The following DAZL variants were observed in gnomAD, a reference collection of about 807,000 sequenced individuals.
DAZL encodes the protein deleted in azoospermia like.
Under a neutral mutation model 45.0 loss-of-function variants are expected in DAZL, and 4 were observed. The observed-to-expected ratio is 0.09, with a 90% CI of 0.04 to 0.20. The LOEUF is 0.20. Ranked by LOEUF, DAZL falls within the 10% of genes least tolerant of loss-of-function variation. DAZL has a pLI of 1.00. For synonymous variants in DAZL, 122 were observed against 112.4 expected (o/e 1.09, Z -0.54); for missense variants, 326 against 351.3 (o/e 0.93, Z 0.58).
At position 16,596,787 on chromosome 3, in the gene DAZL, G is replaced by A. The variant is rs1309891216; in HGVS notation, c.461C>T (p.Pro154Leu). ...AGTTATAGGATTCATCGTGGTTGTG[G>A]GCTGCATATAAGTTTCAGTGTTTGG... ...TNPNTETYMQPTTTMNPITQY... is the reference protein window; with the variant it reads ...TNPNTETYMQLTTTMNPITQY... The change falls in exon 6 of 11, where the codon CCC becomes CTC. Residue 154 changes from proline to leucine, a missense_variant. By Grantham distance (98) the Pro-to-Leu change is moderately conservative. Transcript: ENST00000399444. 3 of 1,613,740 alleles carry A rather than the reference G, an allele frequency of 1.9e-6. No individual in the cohort carries two copies. In the Admixed American group the frequency reaches 5.0e-5, roughly 27 times the overall value.
chr3:16,597,942 G>A, intron 3 of DAZL, 145 bp downstream of exon 3: 1 of 849,978 alleles, frequency 1.2e-6, no homozygotes, highest in Non-Finnish European at 1.7e-6. Context: ...ATGATTAAAA[G>A]AGCTGGCAAT....
At chr3:16,599,264 A>G (rs1319452522) in intron 1 of DAZL, among the ~76,000 whole-genome samples, 1 of 152,202 alleles carries the variant, frequency 6.6e-6, no homozygotes, top group Non-Finnish European at 1.5e-5. Flanking sequence ...ATATTCATAA[A>G]CAACTTTTCA....
At chr3:16,605,165 C>A (rs1694759816) in intron 1 of DAZL, 38 bp downstream of exon 1, 1 of 1,613,918 alleles carries the variant, frequency 6.2e-7, no homozygotes, top group African/African-American at 1.3e-5. Context: ...AGTGAAGACT[C>A]CGCCAGCCTT....
At position 16,589,899 on chromosome 3, in the gene DAZL, T is replaced by TAA. The variant is rs34303748; in HGVS notation, c.835-1188_835-1187dup. Among the ~76,000 whole-genome samples the TAA allele has an allele frequency of 4.1e-3, 584 of 144,000 alleles. 3 individuals are homozygous for TAA. The highest frequency in any genetic ancestry group is 0.014 in the African/African-American group (533 of 39,310). The allele number at this position is 144,000 out of a possible 152,430, so 94.5% of individuals were successfully genotyped here. ...GGCAATATAGTAAGATTCTGTCTCT[T>TAA]AAAAAAAAAAAAAAAATCTTTTTAA... On this transcript the variant is annotated intron_variant, in intron 10 of 10. Transcript: ENST00000399444.
At chr3:16,604,464 G>A (rs1559405997) in intron 1 of DAZL, 2 of 1,531,774 alleles carry the variant, frequency 1.3e-6, no homozygotes, top group Non-Finnish European at 8.7e-7. Context: ...ATGGCGTCAG[G>A]CGAGCTTTTC....
At chr3:16,597,447 T>C in intron 4 of DAZL, 43 bp downstream of exon 4, 1 of 1,186,770 alleles carries the variant, frequency 8.4e-7, no homozygotes, top group South Asian at 1.2e-5. Flanking sequence ...CACTAAACAT[T>C]GTATCAATTA....
At chr3:16,591,952 G>C in intron 10 of DAZL, 98 bp downstream of exon 10, 3 of 1,378,298 alleles carry the variant, frequency 2.2e-6, no homozygotes, top group African/African-American at 1.4e-5. Flanking sequence ...TTAATTAAAT[G>C]CTCTAAGAAA....
chr3:16,596,224 A>C (rs1273830450), intron 6 of DAZL, among the ~76,000 whole-genome samples: 1 of 152,104 alleles, frequency 6.6e-6, no homozygotes, highest in Non-Finnish European at 1.5e-5. Flanking sequence ...AAGTGATAGT[A>C]TGTCAAATCC....
At chr3:16,602,662 G>A (rs1382678514) in intron 1 of DAZL, among the ~76,000 whole-genome samples, 1 of 152,134 alleles carries the variant, frequency 6.6e-6, no homozygotes, top group Non-Finnish European at 1.5e-5. Context: ...TATTGGAAAT[G>A]CAAGAATACT....
intron 2 of DAZL, 57 bp from the exon 3 acceptor site, chr3:16,598,235 T>G: frequency 6.7e-7 from 1 of 1,498,094 alleles, no homozygotes; most frequent in Non-Finnish European, 9.3e-7. Flanking sequence ...AATTTTAATT[T>G]TACTAAAAGA....
chr3:16,595,169 G>A (rs939063519), intron 7 of DAZL, 145 bp downstream of exon 7: 7 of 515,600 alleles, frequency 1.4e-5, no homozygotes, highest in East Asian at 3.1e-5. Context: ...TAATAAAGAG[G>A]TCTTAATTCT....
chr3:16,604,276 G>C (rs1694739205), intron 1 of DAZL, among the ~76,000 whole-genome samples: 1 of 152,132 alleles, frequency 6.6e-6, no homozygotes, highest in East Asian at 1.9e-4. Flanking sequence ...TCTTGTGGTG[G>C]CGCTGAAGCA....
rs147523875 is a variant in DAZL, at chr3:16,591,593, C to G, written c.834+457G>C. 3.0e-3 allele frequency among the ~76,000 whole-genome samples: 455 copies of G among 152,206 alleles called. 1 individual carries two copies. The highest frequency in any genetic ancestry group is 8.8e-3 in the African/African-American group (366 of 41,534). The stretch of plus-strand genomic sequence containing the variant: ...GGACTACAGGCGTGCACCATCACAA[C>G]TGGCTAAGTTTTGTATTTTTTGTAG... On this transcript the variant is annotated intron_variant, in intron 10 of 10. Transcript: ENST00000399444.
chr3:16,591,942 T>C, intron 10 of DAZL, 108 bp downstream of exon 10: 2 of 1,305,148 alleles, frequency 1.5e-6, no homozygotes, highest in South Asian at 1.2e-5. Flanking sequence ...ATGCCAACAG[T>C]TAATTAAATG....
chr3:16,601,059 GA>G (rs1694681609), intron 1 of DAZL, among the ~76,000 whole-genome samples: 1 of 152,198 alleles, frequency 6.6e-6, no homozygotes, highest in South Asian at 2.1e-4. Context: ...GTGTGGTTAA[GA>G]AACCTTGTGA....
intron 9 of DAZL, 92 bp from the exon 10 acceptor site, chr3:16,592,240 T>C: frequency 6.5e-7 from 1 of 1,534,278 alleles, no homozygotes; most frequent in African/African-American, 1.4e-5. Context: ...AATATATTAC[T>C]TTATTTCTAA....
chr3:16,590,878 G>GTGAC (rs1393173653), intron 10 of DAZL, among the ~76,000 whole-genome samples: 2 of 151,108 alleles, frequency 1.3e-5, no homozygotes, highest in African/African-American at 4.9e-5. Flanking sequence ...AAAATAGCAG[G>GTGAC]TGACTGCTAA....
At chr3:16,594,267 A>G (rs1376346220) in intron 8 of DAZL, among the ~76,000 whole-genome samples, 2 of 152,104 alleles carry the variant, frequency 1.3e-5, no homozygotes, top group Admixed American at 6.6e-5. Context: ...TGAATTATAT[A>G]GTCTATCAAC....
intron 1 of DAZL, among the ~76,000 whole-genome samples, chr3:16,599,939 T>C (rs1694657896): frequency 6.6e-6 from 1 of 152,248 alleles, no homozygotes; most frequent in Non-Finnish European, 1.5e-5. Context: ...ATTCATTTTG[T>C]AAAGTATAAA....
Sources: allele counts gnomAD v4.1 joint callset (sites outside exome capture counted in the v4.1 genomes callset), GRCh38; gene constraint gnomAD v4.1.1; transcripts MANE v1.5; gene names NCBI Gene and HGNC (gene_info 2026-07-23, HGNC 2026-07-21).